AXDND1: variants seen among roughly 807,000 people sequenced by gnomAD.
AXDND1 encodes the protein axonemal dynein light chain domain containing 1.
In AXDND1, 110 loss-of-function variants were observed where a neutral mutation model predicts 137.5. The ratio of observed to expected loss-of-function variants is 0.80; its 90% confidence interval spans 0.69 to 0.94. The LOEUF (loss-of-function observed/expected upper bound fraction) is 0.94. Ranked by LOEUF, AXDND1 falls within the 40% of genes least tolerant of loss-of-function variation. The probability of loss-of-function intolerance (pLI) is 0.00; values close to 1 mark genes in which losing one functional copy is unlikely to be tolerated. For synonymous variants in AXDND1, 414 were observed against 399.7 expected, an observed-to-expected ratio of 1.04 and a Z score of -0.43; for missense variants, 1,191 against 1,169.8, an observed-to-expected ratio of 1.02 and a Z score of -0.26.
chr1:179,411,123 C>A, intron 11 of AXDND1, 23 bp from the exon 12 acceptor site: 2 of 1,490,268 alleles, frequency 1.3e-6, no homozygotes, highest in Admixed American at 2.2e-5. Context: ...TTAAATGAAG[C>A]TGTTTCTTAA....
chr1:179,379,882 A>G (rs931178395), intron 6 of AXDND1, among the ~76,000 whole-genome samples: 2 of 152,076 alleles, frequency 1.3e-5, no homozygotes, highest in Non-Finnish European at 2.9e-5. Flanking sequence ...TGAGAATAGT[A>G]CACTCATATT....
intron 12 of AXDND1, among the ~76,000 whole-genome samples, chr1:179,415,175 C>G (rs1474313711): frequency 6.6e-6 from 1 of 152,130 alleles, no homozygotes; most frequent in East Asian, 1.9e-4. Context: ...AACCCCATCT[C>G]TACTAAAAAT....
intron 4 of AXDND1, among the ~76,000 whole-genome samples, chr1:179,375,178 A>T (rs1197014370): frequency 6.6e-6 from 1 of 151,828 alleles, no homozygotes; most frequent in Non-Finnish European, 1.5e-5. Context: ...GGCTCACTGC[A>T]ACCTCTGCCT....
intron 12 of AXDND1, among the ~76,000 whole-genome samples, chr1:179,412,777 AT>A (rs1654091331): frequency 2.0e-5 from 3 of 152,030 alleles, no homozygotes; most frequent in Non-Finnish European, 2.9e-5. Flanking sequence ...TCTCTTTAAA[AT>A]TTTTTTTCCC....
intron 16 of AXDND1, chr1:179,451,876 A>T (rs1407718281): frequency 6.5e-6 from 1 of 154,162 alleles, no homozygotes; most frequent in East Asian, 1.9e-4. Context: ...AGTCTTGAGT[A>T]TGTCTTTATC....
chr1:179,421,890 A>G (rs564826522), intron 12 of AXDND1, among the ~76,000 whole-genome samples: 23 of 151,992 alleles, frequency 1.5e-4, no homozygotes, highest in African/African-American at 4.8e-4. Flanking sequence ...ATACAAAAAA[A>G]TTAGCCAGGC....
In AXDND1 at chr1:179,486,183, C is replaced by T. The variant is rs534889730; in HGVS notation, c.2091+2962C>T. On this transcript the variant is annotated intron_variant, in intron 18 of 25. Coordinates refer to ENST00000367618, the MANE Select transcript of AXDND1 (RefSeq NM_144696.6). ...AACACACTACAAGAATTTCATAATG[C>T]AATTGCAAGTATTAACAGCAGAATC... 5.5e-5 allele frequency among the ~76,000 whole-genome samples: 8 copies of T among 144,992 alleles called. No homozygotes were observed. The East Asian group carries it at 1.7e-3, about 31-fold the overall frequency.
intron 16 of AXDND1, chr1:179,457,135 C>T: frequency 2.1e-6 from 2 of 935,776 alleles, no homozygotes; most frequent in Admixed American, 1.7e-5. Context: ...CTGCATCCAC[C>T]TTCTCCGCAG....
rs192892069 is a variant in AXDND1 at position 179,440,115 on chromosome 1, T to C, written c.1564-4855T>C. 5.3e-3 allele frequency among the ~76,000 whole-genome samples: 801 copies of C among 152,362 alleles called. 9 individuals carry two copies. Among genetic ancestry groups the C allele is most frequent in the African/African-American group, 0.019 (777 of 41,580 alleles). ...AGTTTTGATTGAGGTGGCAGTTGGC[T>C]TCCTATACCCCCTTTTTGTCTTTTC... On this transcript the variant is annotated intron_variant, in intron 15 of 25. Coordinates refer to ENST00000367618, the MANE Select transcript of AXDND1 (RefSeq NM_144696.6).
intron 16 of AXDND1, among the ~76,000 whole-genome samples, chr1:179,466,202 C>A (rs1044619425): frequency 6.6e-6 from 1 of 152,022 alleles, no homozygotes; most frequent in African/African-American, 2.4e-5. Context: ...GCATTGCTCA[C>A]GCTGGGAGCT....
intron 11 of AXDND1, among the ~76,000 whole-genome samples, chr1:179,396,767 A>G (rs1420961993): frequency 6.6e-6 from 1 of 152,206 alleles, no homozygotes; most frequent in East Asian, 1.9e-4. Context: ...ATATGACTAA[A>G]TTATAATTTA....
At chr1:179,458,465 A>G (rs1292059794) in intron 16 of AXDND1, among the ~76,000 whole-genome samples, 1 of 152,108 alleles carries the variant, frequency 6.6e-6, no homozygotes, top group Non-Finnish European at 1.5e-5. Context: ...AAACCCATCA[A>G]TTTTCTGTTA....
intron 20 of AXDND1, among the ~76,000 whole-genome samples, chr1:179,499,180 T>G (rs1240080952): frequency 6.6e-6 from 1 of 151,916 alleles, no homozygotes; most frequent in Admixed American, 6.6e-5. Context: ...AGACCAAAAC[T>G]GGAAACAACC....
chr1:179,548,725 C>T (rs1410588), intron 25 of AXDND1: 90,474 of 152,012 alleles, frequency 0.6, 27,333 homozygotes, highest in Non-Finnish European at 0.65. Context: ...GGAATGCAGG[C>T]GTATTGGCAG....
intron 16 of AXDND1, among the ~76,000 whole-genome samples, chr1:179,462,746 C>A (rs1246865695): frequency 7.1e-6 from 1 of 141,406 alleles, no homozygotes; most frequent in African/African-American, 2.7e-5. Context: ...AGGGATTCAA[C>A]TTCTTCCTGT....
At chr1:179,493,280 CTT>C (rs1341057791) in intron 20 of AXDND1, among the ~76,000 whole-genome samples, 2 of 151,852 alleles carry the variant, frequency 1.3e-5, no homozygotes, top group Non-Finnish European at 2.9e-5. Flanking sequence ...TTTTCTCTGA[CTT>C]ATTTCACTAA....
chr1:179,492,197 C>T (rs1055521734), intron 19 of AXDND1, among the ~76,000 whole-genome samples: 4 of 152,118 alleles, frequency 2.6e-5, no homozygotes, highest in African/African-American at 9.7e-5. Context: ...CCTCAGCCTC[C>T]TGAGTAGCTG....
At chr1:179,379,292 C>A (rs1647809135) in intron 5 of AXDND1, 105 bp from the exon 6 acceptor site, 3 of 1,277,800 alleles carry the variant, frequency 2.3e-6, no homozygotes, top group African/African-American at 1.5e-5. Context: ...AATTTTTCAA[C>A]TTAAAAAATA....
At chr1:179,534,029 A>G (rs1671280809) in intron 24 of AXDND1, 152 bp downstream of exon 24, 2 of 617,338 alleles carry the variant, frequency 3.2e-6, no homozygotes, top group South Asian at 1.8e-5. Flanking sequence ...TGCTAGAGGC[A>G]GTAAACTACA....
Sources: gnomAD v4.1 joint callset for allele counts (sites outside exome capture counted in the v4.1 genomes callset) on GRCh38, gnomAD v4.1.1 for gene constraint, MANE v1.5 for transcripts, NCBI Gene and HGNC (gene_info 2026-07-23, HGNC 2026-07-21) for gene names.